Variants in SAFB observed in about 807,000 individuals in gnomAD.
SAFB encodes the protein scaffold attachment factor B1.
In SAFB, 15 loss-of-function variants were observed where a neutral mutation model predicts 101.6. That is an observed-to-expected ratio of 0.15 (90% CI 0.10 to 0.23). SAFB has a LOEUF of 0.23. Among genes scored for constraint, SAFB ranks in the 10% least tolerant of loss-of-function variants. SAFB has a pLI of 1.00. For synonymous variants in SAFB, 449 were observed against 407.5 expected (o/e 1.10, Z -1.23); for missense variants, 930 against 1,104.1 (o/e 0.84, Z 2.23).
intron 2 of SAFB, among the ~76,000 whole-genome samples, chr19:5,629,093 G>A (rs546631795): frequency 2.0e-5 from 3 of 152,202 alleles, no homozygotes; most frequent in South Asian, 4.1e-4. Context: ...CACTGCGCCC[G>A]GCAGGTTTTA....
chr19:5,663,736 GGCT>G (rs1404485468), intron 15 of SAFB, among the ~76,000 whole-genome samples: 2 of 152,036 alleles, frequency 1.3e-5, no homozygotes, highest in Admixed American at 1.3e-4. Context: ...GGCTGTGTAG[GGCT>G]CCAGAAGCCA....
At chr19:5,640,398 G>A (rs570098354) in intron 2 of SAFB, among the ~76,000 whole-genome samples, 32 of 114,262 alleles carry the variant, frequency 2.8e-4, no homozygotes, top group African/African-American at 1.1e-3. Context: ...ATGGAGTCTC[G>A]CTCTGTTGCC....
chr19:5,640,097 G>T (rs536764928), intron 2 of SAFB, among the ~76,000 whole-genome samples: 2 of 151,922 alleles, frequency 1.3e-5, no homozygotes, highest in Admixed American at 6.6e-5. Context: ...CAGGTGATCC[G>T]CCTGCCTCGG....
At chr19:5,642,030 A>G (rs750812289) in intron 4 of SAFB, 84 bp downstream of exon 4, 2 of 1,130,014 alleles carry the variant, frequency 1.8e-6, no homozygotes, top group East Asian at 2.5e-5. Flanking sequence ...CATATTGGGA[A>G]GTAAGTTGTT....
chr19:5,635,668 A>G (rs1347158314), intron 2 of SAFB, among the ~76,000 whole-genome samples: 1 of 152,166 alleles, frequency 6.6e-6, no homozygotes, highest in South Asian at 2.1e-4. Context: ...TCCCAGCAGA[A>G]GTCCAGGGCA....
chr19:5,642,704 C>T (rs1254167822), intron 4 of SAFB, among the ~76,000 whole-genome samples: 1 of 121,396 alleles, frequency 8.2e-6, no homozygotes, highest in African/African-American at 3.1e-5. Flanking sequence ...CTGTTGTTGC[C>T]CAGGCTGGAG....
At chr19:5,627,141 A>G (rs2053383109) in intron 2 of SAFB, among the ~76,000 whole-genome samples, 1 of 148,446 alleles carries the variant, frequency 6.7e-6, no homozygotes, top group Non-Finnish European at 1.5e-5. Flanking sequence ...GCACCACTGC[A>G]CTCCAGCCTG....
chr19:5,653,576 C>T (rs566350377), intron 11 of SAFB, among the ~76,000 whole-genome samples, 156 bp downstream of exon 11: 1 of 152,170 alleles, frequency 6.6e-6, no homozygotes, highest in African/African-American at 2.4e-5. Flanking sequence ...AGCAATTCTC[C>T]TGCCTCAGCC....
intron 15 of SAFB, among the ~76,000 whole-genome samples, chr19:5,663,285 G>A (rs1470484206): frequency 6.6e-6 from 1 of 152,240 alleles, no homozygotes; most frequent in East Asian, 1.9e-4. Flanking sequence ...ACAGGCATGA[G>A]CCACTACGCC....
chr19:5,643,201 A>T (rs2053759251), intron 4 of SAFB, among the ~76,000 whole-genome samples: 1 of 152,144 alleles, frequency 6.6e-6, no homozygotes, highest in African/African-American at 2.4e-5. Flanking sequence ...TGTTTGTCAG[A>T]CAGAAAAAGT....
chr19:5,631,777 G>A (rs1422577552), intron 2 of SAFB, among the ~76,000 whole-genome samples: 1 of 152,190 alleles, frequency 6.6e-6, no homozygotes, highest in Admixed American at 6.5e-5. Context: ...TGTGCGAGAT[G>A]GCTCTCGTCT....
intron 5 of SAFB, among the ~76,000 whole-genome samples, chr19:5,646,147 C>T (rs1020897578): frequency 1.3e-5 from 2 of 152,096 alleles, no homozygotes; most frequent in African/African-American, 2.4e-5. Context: ...AAATGAAGAT[C>T]GAGCCAGCTT....
chr19:5,645,759 G>A (rs1348393337), intron 5 of SAFB, among the ~76,000 whole-genome samples: 1 of 152,214 alleles, frequency 6.6e-6, no homozygotes, highest in African/African-American at 2.4e-5. Context: ...CAGCAAGAGG[G>A]CATGGCTACC....
intron 5 of SAFB, 70 bp downstream of exon 5, chr19:5,645,469 A>G: frequency 6.6e-6 from 5 of 753,144 alleles, no homozygotes; most frequent in South Asian, 5.9e-5. Flanking sequence ...TCCATTTCAG[A>G]CACCATATGC....
chr19:5,667,291 T>C lies in SAFB; in HGVS notation c.2454-56T>C, dbSNP rs2054353443. 3.2e-5 allele frequency: 44 copies of C among 1,368,588 alleles called. No homozygotes were observed. The highest frequency in any genetic ancestry group is 5.0e-5 in the East Asian group (2 of 39,796). 84.8% of individuals were successfully genotyped at this position (1,368,588 alleles called of 1,614,324 possible). The stretch of plus-strand genomic sequence containing the variant: ...CACTCTCCAGAAGCCGCCACAGTTA[T>C]TAGCACAAGAGCCAGAGATGGGGGC... On this transcript the variant is annotated intron_variant, in intron 18 of 20. Transcript: ENST00000588852. The surrounding 1 kb of genome is among the most constrained non-coding windows in gnomAD (Gnocchi z 4.0).
chr19:5,624,202 T>C (rs1245685715), intron 1 of SAFB, among the ~76,000 whole-genome samples: 1 of 150,336 alleles, frequency 6.7e-6, no homozygotes, highest in Admixed American at 6.6e-5. Flanking sequence ...CTTGAACCCC[T>C]TCTGAGTCCT....
intron 14 of SAFB, among the ~76,000 whole-genome samples, chr19:5,658,687 C>G (rs1394252629): frequency 1.3e-5 from 2 of 151,558 alleles, no homozygotes; most frequent in African/African-American, 2.4e-5. Flanking sequence ...ACTAAAAATA[C>G]AAAAAATGAA....
chr19:5,663,146 G>T (rs1329771064), intron 15 of SAFB, among the ~76,000 whole-genome samples: 1 of 151,876 alleles, frequency 6.6e-6, no homozygotes, highest in African/African-American at 2.4e-5. Flanking sequence ...AGGATTATAG[G>T]CATGTGCTAC....
chr19:5,654,283 C>T (rs1040283507), intron 12 of SAFB, 83 bp downstream of exon 12: 34 of 1,593,432 alleles, frequency 2.1e-5, no homozygotes, highest in East Asian at 1.8e-4. Flanking sequence ...TAGCTGGCAA[C>T]GGAAACTGGA....
Sources: gnomAD v4.1 joint callset for allele counts (sites outside exome capture counted in the v4.1 genomes callset) on GRCh38, gnomAD v4.1.1 for gene constraint, Gnocchi (gnomAD v3.1) non-coding constraint, MANE v1.5 for transcripts, NCBI Gene and HGNC (gene_info 2026-07-23, HGNC 2026-07-21) for gene names.